RBMS3: variants seen among roughly 807,000 people sequenced by gnomAD.
The protein encoded by RBMS3 is RNA-binding motif, single-stranded-interacting protein 3.
In RBMS3, 27 loss-of-function variants were observed where a neutral mutation model predicts 66.8. The observed-to-expected ratio is 0.40, with a 90% confidence interval of 0.30 to 0.56. The LOEUF is 0.56. RBMS3 is among the 20% of genes least tolerant of loss of function. RBMS3 has a pLI of 0.40. For missense variants in RBMS3, 513 were observed against 549.5 expected (o/e 0.93, Z 0.66); for synonymous variants, 188 against 183.0 (o/e 1.03, Z -0.22).
chr3:29,455,158 C>A (rs953141281), intron 2 of RBMS3, among the ~76,000 whole-genome samples: 1 of 152,140 alleles, frequency 6.6e-6, no homozygotes, highest in African/African-American at 2.4e-5. Context: ...CCACAACATA[C>A]ATGTATGTTC....
intron 4 of RBMS3, among the ~76,000 whole-genome samples, chr3:29,675,400 G>T (rs1195486382): frequency 6.6e-6 from 1 of 151,776 alleles, no homozygotes; most frequent in Non-Finnish European, 1.5e-5. Flanking sequence ...CAAAAGCAAT[G>T]GCAAAAAAAA....
At chr3:29,556,105 G>T (rs1013424524) in intron 3 of RBMS3, among the ~76,000 whole-genome samples, 19 of 145,160 alleles carry the variant, frequency 1.3e-4, no homozygotes, top group Non-Finnish European at 2.6e-4. Flanking sequence ...ATCATAAGTG[G>T]TCTATCAGCC....
chr3:29,565,105 G>A (rs373535513), intron 3 of RBMS3, among the ~76,000 whole-genome samples: 3 of 152,186 alleles, frequency 2.0e-5, no homozygotes, highest in East Asian at 1.9e-4. Flanking sequence ...CTGTTCATCA[G>A]CAAAATAAAC....
At chr3:29,661,141 A>T (rs2050529702) in intron 4 of RBMS3, among the ~76,000 whole-genome samples, 1 of 152,172 alleles carries the variant, frequency 6.6e-6, no homozygotes, top group African/African-American at 2.4e-5. Flanking sequence ...GCTGAAATTA[A>T]CCACAATTTA....
In RBMS3 at chr3:29,817,192, C is replaced by CTTTTTTTTTTTTT. The variant is rs373365962; in HGVS notation, c.638-51665_638-51653dup. Among the ~76,000 whole-genome samples, 93 of 127,188 alleles carry CTTTTTTTTTTTTT rather than the reference C, an allele frequency of 7.3e-4. 4 individuals carry two copies. The highest frequency in any genetic ancestry group is 1.7e-3 in the African/African-American group (54 of 31,660). The allele number at this position is 127,188 out of a possible 152,430, so 83.4% of individuals were successfully genotyped here. ...GGGTTGCATTTCCAAATTTTCTTTT[C>CTTTTTTTTTTTTT]TTTTTTTTTTTTTGAGGCAAAGTCT... On this transcript the variant is annotated intron_variant, in intron 6 of 14. Coordinates refer to ENST00000383767, the MANE Select transcript of RBMS3 (RefSeq NM_001003793.3).
At chr3:29,805,339 T>A (rs972408945) in intron 6 of RBMS3, among the ~76,000 whole-genome samples, 1 of 152,090 alleles carries the variant, frequency 6.6e-6, no homozygotes, top group Non-Finnish European at 1.5e-5. Flanking sequence ...AATAAATGAC[T>A]GCATTAATGG....
intron 3 of RBMS3, among the ~76,000 whole-genome samples, chr3:29,530,282 C>A (rs1021773762): frequency 6.6e-5 from 10 of 152,084 alleles, no homozygotes; most frequent in African/African-American, 2.2e-4. Context: ...GCTGAAACAG[C>A]ACATTGTAAA....
At chr3:29,820,001 C>T (rs961746658) in intron 6 of RBMS3, among the ~76,000 whole-genome samples, 1 of 151,812 alleles carries the variant, frequency 6.6e-6, no homozygotes, top group Non-Finnish European at 1.5e-5. Context: ...TTGAGGCCTG[C>T]CTGGCCAACA....
chr3:29,997,928 C>G (rs993379479), intron 14 of RBMS3, among the ~76,000 whole-genome samples: 7 of 151,920 alleles, frequency 4.6e-5, no homozygotes, highest in Admixed American at 6.6e-5. Context: ...GGGCAATCAG[C>G]CAGGAGAAAG....
intron 1 of RBMS3, among the ~76,000 whole-genome samples, chr3:29,399,420 A>C (rs1457442338): frequency 6.6e-6 from 1 of 152,180 alleles, no homozygotes; most frequent in Non-Finnish European, 1.5e-5. Context: ...GGCTATAAGC[A>C]AGAGCAAATC....
At chr3:29,332,118 T>C (rs2035700150) in intron 1 of RBMS3, among the ~76,000 whole-genome samples, 1 of 152,130 alleles carries the variant, frequency 6.6e-6, no homozygotes, top group South Asian at 2.1e-4. Flanking sequence ...TTGTGACTGC[T>C]TCATTTTGAT....
chr3:29,729,109 T>A (rs974260608), intron 4 of RBMS3, among the ~76,000 whole-genome samples: 33 of 152,086 alleles, frequency 2.2e-4, no homozygotes, highest in Admixed American at 1.9e-3. Context: ...CATTAGGTAT[T>A]TCTCCTAATG....
intron 12 of RBMS3, among the ~76,000 whole-genome samples, chr3:29,966,119 T>C (rs1696831491): frequency 6.6e-6 from 1 of 152,232 alleles, no homozygotes; most frequent in African/African-American, 2.4e-5. Context: ...CCATGCTGTT[T>C]TGATGACTAC....
At chr3:29,863,314 A>C (rs2149538499) in intron 6 of RBMS3, among the ~76,000 whole-genome samples, 1 of 152,116 alleles carries the variant, frequency 6.6e-6, no homozygotes, top group East Asian at 1.9e-4. Context: ...ACATGTATAC[A>C]TATGTATACA....
chr3:29,352,349 A>G (rs1053376234), intron 1 of RBMS3, among the ~76,000 whole-genome samples: 1 of 151,986 alleles, frequency 6.6e-6, no homozygotes, highest in Admixed American at 6.6e-5. Flanking sequence ...ATAGTGCATG[A>G]TATATCTATT....
intron 10 of RBMS3, among the ~76,000 whole-genome samples, chr3:29,930,593 C>G (rs2061093649): frequency 1.3e-5 from 2 of 152,030 alleles, no homozygotes; most frequent in Non-Finnish European, 2.9e-5. Context: ...ATAGCAACAT[C>G]AATAACCACT....
chr3:29,971,368 CTTG>C (rs1697217542), intron 12 of RBMS3, among the ~76,000 whole-genome samples: 1 of 151,614 alleles, frequency 6.6e-6, no homozygotes, highest in South Asian at 2.1e-4. Context: ...TCCTAATACA[CTTG>C]TTTGTTTGTT....
chr3:29,495,903 G>A (rs944927448), intron 3 of RBMS3, among the ~76,000 whole-genome samples: 2 of 152,028 alleles, frequency 1.3e-5, no homozygotes, highest in East Asian at 1.9e-4. Flanking sequence ...TAACTCTGGC[G>A]GATAACAGAC....
rs538220156 is a variant in RBMS3, at chr3:29,967,485, C to T, written c.1099-20658C>T. Among the ~76,000 whole-genome samples the T allele has an allele frequency of 2.1e-4, 32 of 152,012 alleles. No individual in the cohort carries two copies. In the East Asian group the frequency reaches 5.0e-3, roughly 24 times the overall value. On this transcript the variant is annotated intron_variant, in intron 12 of 14. Coordinates refer to ENST00000383767, the MANE Select transcript of RBMS3 (RefSeq NM_001003793.3). ...TAATTTTTTGTATTTTTAGTAGAGA[C>T]GGGATTTCACCATGTTAGCCAGGAT...
Sources: allele counts gnomAD v4.1 joint callset (sites outside exome capture counted in the v4.1 genomes callset), GRCh38; gene constraint gnomAD v4.1.1; transcripts MANE v1.5; gene names NCBI Gene and HGNC (gene_info 2026-07-23, HGNC 2026-07-21).